BAALC: variants seen among roughly 807,000 people sequenced by gnomAD.
BAALC encodes the protein BAALC binder of MAP3K1 and KLF4, also known as brain and acute leukemia cytoplasmic protein.
In BAALC, 9 loss-of-function variants were observed where a neutral mutation model predicts 15.5. The ratio of observed to expected loss-of-function variants is 0.58; its 90% CI spans 0.35 to 1.02. The LOEUF (loss-of-function observed/expected upper bound fraction) is 1.02, where lower values mean the gene tolerates loss of function less well. BAALC is among the 50% of genes least tolerant of loss of function. BAALC has a pLI of 0.02. For synonymous variants in BAALC, 80 were observed against 74.6 expected (o/e 1.07, Z -0.37); for missense variants, 201 against 192.4 (o/e 1.04, Z -0.27).
intron 1 of BAALC, chr8:103,197,958 A>G: frequency 2.6e-5 from 15 of 566,314 alleles, no homozygotes; most frequent in South Asian, 1.4e-4. Flanking sequence ...CTTCATCCCA[A>G]CGATGCCCAG....
At chr8:103,163,068 T>G (rs1811264488) in intron 1 of BAALC, among the ~76,000 whole-genome samples, 1 of 152,100 alleles carries the variant, frequency 6.6e-6, no homozygotes. Context: ...CCATGTCCCT[T>G]TCTGCAGCTT....
chr8:103,185,012 G>A (rs1270723939), intron 1 of BAALC, among the ~76,000 whole-genome samples: 1 of 152,076 alleles, frequency 6.6e-6, no homozygotes, highest in African/African-American at 2.4e-5. Flanking sequence ...GCAGTGGAGC[G>A]GTGTTCTTGT....
intron 1 of BAALC, among the ~76,000 whole-genome samples, chr8:103,192,827 A>G (rs977613409): frequency 1.3e-5 from 2 of 152,168 alleles, no homozygotes; most frequent in African/African-American, 4.8e-5. Context: ...ACATATGGCC[A>G]TGCAGGACTT....
chr8:103,163,960 G>T (rs1811285795), intron 1 of BAALC, among the ~76,000 whole-genome samples: 1 of 152,124 alleles, frequency 6.6e-6, no homozygotes, highest in African/African-American at 2.4e-5. Flanking sequence ...CTTACATTTG[G>T]GTTTGAGCTA....
intron 1 of BAALC, among the ~76,000 whole-genome samples, chr8:103,212,088 T>C (rs1387036815): frequency 6.6e-6 from 1 of 152,186 alleles, no homozygotes; most frequent in Non-Finnish European, 1.5e-5. Context: ...TATCATTTCT[T>C]GGCATTTGTT....
At chr8:103,174,737 G>T (rs1811571325) in intron 1 of BAALC, among the ~76,000 whole-genome samples, 1 of 152,198 alleles carries the variant, frequency 6.6e-6, no homozygotes, top group South Asian at 2.1e-4. Context: ...CTCTTAGAGA[G>T]CCACAGTGTA....
At chr8:103,201,787 T>C (rs1191973619) in intron 1 of BAALC, among the ~76,000 whole-genome samples, 2 of 152,198 alleles carry the variant, frequency 1.3e-5, no homozygotes, top group African/African-American at 4.8e-5. Flanking sequence ...GCACCCAGCA[T>C]AGAGCCTGGC....
At chr8:103,145,292 A>G (rs1288071940) in intron 1 of BAALC, among the ~76,000 whole-genome samples, 2 of 152,170 alleles carry the variant, frequency 1.3e-5, no homozygotes. Flanking sequence ...TACCCGGTGA[A>G]CTCCAGACCC....
intron 2 of BAALC, among the ~76,000 whole-genome samples, chr8:103,219,311 A>C (rs1241606020): frequency 6.6e-6 from 1 of 152,184 alleles, no homozygotes; most frequent in Non-Finnish European, 1.5e-5. Context: ...TGAACCTAAC[A>C]GGTACTCACT....
chr8:103,200,959 T>A (rs1046208450), intron 1 of BAALC, among the ~76,000 whole-genome samples: 18 of 152,044 alleles, frequency 1.2e-4, no homozygotes, highest in Non-Finnish European at 2.5e-4. Context: ...ATTAGAATAC[T>A]TTTTCCCTAA....
chr8:103,153,309 A>G (rs1811021901), intron 1 of BAALC: 1 of 152,216 alleles, frequency 6.6e-6, no homozygotes, highest in Non-Finnish European at 1.5e-5. Context: ...GAAAGGAATT[A>G]GGTAAGTGAG....
chr8:103,198,583 A>G (rs1812145836), intron 1 of BAALC, among the ~76,000 whole-genome samples: 1 of 152,120 alleles, frequency 6.6e-6, no homozygotes, highest in Non-Finnish European at 1.5e-5. Context: ...CAAAAATAGC[A>G]TAACATAGAT....
intron 1 of BAALC, among the ~76,000 whole-genome samples, chr8:103,153,987 C>A (rs1811034767): frequency 6.6e-6 from 1 of 152,158 alleles, no homozygotes; most frequent in Non-Finnish European, 1.5e-5. Context: ...TTAAGCACCT[C>A]AATAAACAAC....
In BAALC at chr8:103,228,550, A is replaced by G. The variant is rs918994413; in HGVS notation, c.*451A>G. ...TCCTTCTTTCATTTTAAATATTGTC[A>G]TTACAAATCTTACCAGGTTCACTTA... On this transcript the variant is annotated 3_prime_UTR_variant, in exon 3 of 3. Transcript: ENST00000309982. 1 of 153,160 alleles carries G rather than the reference A, an allele frequency of 6.5e-6. No homozygotes were observed. The highest frequency in any genetic ancestry group is 1.9e-4 in the East Asian group (1 of 5,210). The allele number at this position is 153,160 out of a possible 1,614,324, so 9.5% of individuals were successfully genotyped here.
intron 1 of BAALC, among the ~76,000 whole-genome samples, chr8:103,186,914 A>C (rs949353437): frequency 6.6e-6 from 1 of 152,218 alleles, no homozygotes; most frequent in Non-Finnish European, 1.5e-5. Flanking sequence ...ATGAGCTGAC[A>C]TGGAAAGCAG....
intron 1 of BAALC, among the ~76,000 whole-genome samples, chr8:103,208,683 G>A (rs181182451): frequency 3.3e-4 from 50 of 152,300 alleles, no homozygotes; most frequent in Middle Eastern, 3.4e-3. Context: ...ACAATGGAGC[G>A]TGTCCCCGGG....
intron 1 of BAALC, among the ~76,000 whole-genome samples, chr8:103,189,085 C>T (rs982726541): frequency 1.2e-4 from 18 of 152,104 alleles, no homozygotes; most frequent in Non-Finnish European, 2.4e-4. Context: ...TAATTCAGTG[C>T]CTGGAAGGTA....
Position 103,230,265 on chromosome 8 carries a change from T to C in BAALC, c.*2166T>C, listed in dbSNP as rs1489346129. 6.6e-6 allele frequency: 1 copy of C among 152,176 alleles called. No individual in the cohort carries two copies. Among genetic ancestry groups the C allele is most frequent in the African/African-American group, 2.4e-5 (1 of 41,446 alleles). 9.4% of individuals were successfully genotyped at this position (152,176 alleles called of 1,614,324 possible). ...TATCCTATTAGGATACCACTTTTCA[T>C]TGCAAAGTTTGTGTCAATAAAGTCA... is the stretch of plus-strand genomic sequence containing the variant. On this transcript the variant is annotated 3_prime_UTR_variant, in exon 3 of 3. Transcript: ENST00000309982.
At chr8:103,224,306 T>C (rs1311809170) in intron 2 of BAALC, among the ~76,000 whole-genome samples, 1 of 151,364 alleles carries the variant, frequency 6.6e-6, no homozygotes, top group Non-Finnish European at 1.5e-5. Flanking sequence ...GTGCCCAAGG[T>C]GAGCGGGGCA....
Sources: allele counts gnomAD v4.1 joint callset (sites outside exome capture counted in the v4.1 genomes callset), GRCh38; gene constraint gnomAD v4.1.1; transcripts MANE v1.5; gene names NCBI Gene and HGNC (gene_info 2026-07-23, HGNC 2026-07-21).